Variants in ITPR2 observed in about 807,000 individuals in gnomAD.
The protein encoded by ITPR2 is inositol 1,4,5-trisphosphate-gated calcium channel ITPR2.
ITPR2 carries 207 observed loss-of-function variants against 317.1 expected under a neutral mutation model. The ratio of observed to expected loss-of-function variants is 0.65; its 90% CI spans 0.58 to 0.73. The LOEUF (loss-of-function observed/expected upper bound fraction) is 0.73, where lower values mean the gene tolerates loss of function less well. Ranked by LOEUF, ITPR2 falls within the 30% of genes least tolerant of loss-of-function variation. ITPR2 has a pLI of 0.00. For missense variants in ITPR2, 2,613 were observed against 3,284.0 expected (o/e 0.80, Z 4.99); for synonymous variants, 1,156 against 1,149.1 (o/e 1.01, Z -0.12).
At chr12:26,748,396 T>C (rs887122014) in intron 2 of ITPR2, among the ~76,000 whole-genome samples, 8 of 152,164 alleles carry the variant, frequency 5.3e-5, no homozygotes, top group South Asian at 4.1e-4. Flanking sequence ...CTTAATCCTA[T>C]ACTATTACCA....
chr12:26,646,870 G>A (rs962623683), intron 21 of ITPR2, among the ~76,000 whole-genome samples: 6 of 152,118 alleles, frequency 3.9e-5, no homozygotes, highest in Non-Finnish European at 8.8e-5. Flanking sequence ...GTTCCTGACT[G>A]GGAATAGGCC....
Position 26,387,493 on chromosome 12 carries a change from T to C in ITPR2, c.7798A>G (p.Lys2600Glu). The C allele has an allele frequency of 1.9e-6, 3 of 1,613,930 alleles. No homozygotes were observed. The highest frequency in any genetic ancestry group is 2.5e-6 in the Non-Finnish European group (3 of 1,179,890). ...GTGTATTCTGTTGGGTCTTTAACTT[T>C]CACCAGGACTATGAAGTACAAATAA... ...WHYLYFIVLVKVKDPTEYTGP... is the reference protein window; with the variant it reads ...WHYLYFIVLVEVKDPTEYTGP... The change falls in exon 55 of 57, where the codon AAA becomes GAA. Residue 2600 changes from lysine (K) to glutamate (E), a missense_variant. Physicochemically the swap from Lys to Glu is moderately conservative, Grantham distance 56. Coordinates refer to ENST00000381340, the MANE Select transcript of ITPR2 (RefSeq NM_002223.4).
intron 10 of ITPR2, among the ~76,000 whole-genome samples, chr12:26,690,894 G>A (rs73078610): frequency 0.016 from 2,509 of 152,258 alleles, 63 homozygotes; most frequent in African/African-American, 0.055. Context: ...AGTAGAATAC[G>A]CTATTCCACC....
chr12:26,458,112 C>T (rs1020986259), intron 45 of ITPR2, among the ~76,000 whole-genome samples: 3 of 152,144 alleles, frequency 2.0e-5, no homozygotes, highest in Admixed American at 6.5e-5. Context: ...ATTTTAGCTT[C>T]CCTGTGGAAA....
At chr12:26,780,807 C>A (rs577047229) in intron 2 of ITPR2, among the ~76,000 whole-genome samples, 16 of 152,274 alleles carry the variant, frequency 1.1e-4, no homozygotes, top group African/African-American at 3.9e-4. Context: ...TCAGTTCATT[C>A]GAACATTATG....
At chr12:26,741,518 A>G (rs1477277848) in intron 2 of ITPR2, among the ~76,000 whole-genome samples, 1 of 152,170 alleles carries the variant, frequency 6.6e-6, no homozygotes, top group Non-Finnish European at 1.5e-5. Flanking sequence ...CCATTTTACC[A>G]TGTCAGTTGA....
intron 2 of ITPR2, among the ~76,000 whole-genome samples, chr12:26,753,340 C>T (rs1019446373): frequency 1.3e-5 from 2 of 152,156 alleles, no homozygotes; most frequent in African/African-American, 4.8e-5. Flanking sequence ...GAATAATCTG[C>T]CTTGTACTCT....
intron 37 of ITPR2, among the ~76,000 whole-genome samples, chr12:26,547,352 G>GTATT (rs1379695685): frequency 6.6e-6 from 1 of 152,102 alleles, no homozygotes; most frequent in Non-Finnish European, 1.5e-5. Flanking sequence ...TGACAACAGG[G>GTATT]TATTATCTTT....
intron 45 of ITPR2, among the ~76,000 whole-genome samples, chr12:26,449,490 C>CT (rs1941688529): frequency 6.6e-6 from 1 of 152,176 alleles, no homozygotes; most frequent in Non-Finnish European, 1.5e-5. Context: ...TTATTTTCTT[C>CT]TTTCAAGCAA....
At chr12:26,456,623 T>G (rs560709355) in intron 45 of ITPR2, among the ~76,000 whole-genome samples, 2 of 152,324 alleles carry the variant, frequency 1.3e-5, no homozygotes, top group Admixed American at 6.5e-5. Flanking sequence ...CTTTCTTGCA[T>G]GAGGTCCAAG....
intron 26 of ITPR2, among the ~76,000 whole-genome samples, chr12:26,612,387 A>G (rs767697111): frequency 3.3e-5 from 5 of 152,188 alleles, no homozygotes; most frequent in African/African-American, 7.2e-5. Flanking sequence ...TTACTAAACA[A>G]CAAAGGAGTA....
At chr12:26,589,612 C>T (rs1362670763) in intron 32 of ITPR2, among the ~76,000 whole-genome samples, 1 of 150,192 alleles carries the variant, frequency 6.7e-6, no homozygotes, top group Non-Finnish European at 1.5e-5. Flanking sequence ...CATGGTGAAA[C>T]CCTGTCTCTA....
chr12:26,752,095 C>T (rs958594841), intron 2 of ITPR2, among the ~76,000 whole-genome samples: 1 of 152,138 alleles, frequency 6.6e-6, no homozygotes, highest in Non-Finnish European at 1.5e-5. Flanking sequence ...TAAAAACCCA[C>T]CTTAATTTTA....
At position 26,481,172 on chromosome 12, in the gene ITPR2, G is replaced by A. The variant is rs749026849; in HGVS notation, c.6082C>T (p.Pro2028Ser). ...IIALILNDIN[P>S]LGKYRMDLVL... ...AGGTCCATTCGGTATTTACCAAGAG[G>A]GTTTATGTCATTCAGAATCAAAGCA... The change falls in exon 43 of 57, where the codon CCT (proline) becomes TCT (serine). Residue 2028 changes from proline (P) to serine (S), a missense_variant. Transcript: ENST00000381340. The A allele has an allele frequency of 6.2e-7, 1 of 1,613,178 alleles. No individual in the cohort carries two copies. Among genetic ancestry groups the A allele is most frequent in the African/African-American group, 1.3e-5 (1 of 74,856 alleles).
At chr12:26,411,093 C>A in intron 52 of ITPR2, 1 of 469,404 alleles carries the variant, frequency 2.1e-6, no homozygotes, top group Non-Finnish European at 3.9e-6. Flanking sequence ...GGTAAATGTG[C>A]TAAATCCTCC....
chr12:26,541,430 A>C lies in ITPR2; in HGVS notation c.5073+8817T>G, dbSNP rs1410900498. 1.3e-5 allele frequency among the ~76,000 whole-genome samples: 2 copies of C among 152,232 alleles called. 1 individual carries two copies. Among genetic ancestry groups the C allele is most frequent in the Non-Finnish European group, 2.9e-5 (2 of 68,036 alleles). ...CTAATATTTGATTTAAAACAACATT[A>C]GAGCACTTATATTACAAAACAAATG... On this transcript the variant is annotated intron_variant, in intron 37 of 56. Coordinates refer to ENST00000381340, the MANE Select transcript of ITPR2 (RefSeq NM_002223.4).
chr12:26,359,228 T>A (rs1938742642), intron 55 of ITPR2, among the ~76,000 whole-genome samples: 1 of 152,234 alleles, frequency 6.6e-6, no homozygotes, highest in Non-Finnish European at 1.5e-5. Context: ...CCGCCACTGC[T>A]ACTTCATTTT....
intron 55 of ITPR2, among the ~76,000 whole-genome samples, chr12:26,356,216 C>A (rs1272539671): frequency 6.6e-6 from 1 of 152,128 alleles, no homozygotes; most frequent in Non-Finnish European, 1.5e-5. Context: ...CTGTCACCAC[C>A]AATGAATTGA....
intron 29 of ITPR2, 67 bp downstream of exon 29, chr12:26,599,920 T>C (rs1945953406): frequency 1.7e-6 from 2 of 1,193,818 alleles, no homozygotes; most frequent in Non-Finnish European, 1.2e-6. Flanking sequence ...ATTCTCTTCA[T>C]GAATGTTACT....
Sources: gnomAD v4.1 joint callset for allele counts (sites outside exome capture counted in the v4.1 genomes callset) on GRCh38, gnomAD v4.1.1 for gene constraint, MANE v1.5 for transcripts, NCBI Gene and HGNC (gene_info 2026-07-23, HGNC 2026-07-21) for gene names.